GRM8: variants seen among roughly 807,000 people sequenced by gnomAD.
The protein encoded by GRM8 is glutamate metabotropic receptor 8.
A neutral mutation model predicts 87.2 loss-of-function variants in GRM8; 47 were observed. The observed-to-expected ratio is 0.54, with a 90% confidence interval of 0.43 to 0.69. The LOEUF (loss-of-function observed/expected upper bound fraction) is 0.69, where lower values mean the gene tolerates loss of function less well. Among genes scored for constraint, GRM8 ranks in the 30% least tolerant of loss-of-function variants. The probability of loss-of-function intolerance (pLI) is 0.00; values close to 1 mark genes in which losing one functional copy is unlikely to be tolerated. For missense variants in GRM8, 1,019 were observed against 1,139.2 expected, an observed-to-expected ratio of 0.89 and a Z score of 1.52; for synonymous variants, 396 against 404.5, an observed-to-expected ratio of 0.98 and a Z score of 0.25.
intron 3 of GRM8, among the ~76,000 whole-genome samples, chr7:126,984,167 G>C (rs1371847662): frequency 6.6e-6 from 1 of 152,182 alleles, no homozygotes; most frequent in African/African-American, 2.4e-5. Flanking sequence ...TTGCATGAAG[G>C]ATAGTTGTAT....
intron 7 of GRM8, among the ~76,000 whole-genome samples, chr7:126,668,070 C>T (rs1805977272): frequency 6.6e-6 from 1 of 152,172 alleles, no homozygotes; most frequent in Non-Finnish European, 1.5e-5. Context: ...CACAGAAGTT[C>T]CAGCCCTTTG....
chr7:126,624,965 A>C (rs530685211), intron 7 of GRM8, among the ~76,000 whole-genome samples: 1 of 152,192 alleles, frequency 6.6e-6, no homozygotes, highest in Non-Finnish European at 1.5e-5. Context: ...CTTTAGCATA[A>C]TTGTGTGAGT....
intron 6 of GRM8, among the ~76,000 whole-genome samples, chr7:126,848,557 C>T (rs1312348109): frequency 6.6e-6 from 1 of 152,072 alleles, no homozygotes; most frequent in East Asian, 1.9e-4. Context: ...CATGATGGCT[C>T]ACACCTGTAA....
chr7:127,134,119 A>G (rs913847880), intron 2 of GRM8, among the ~76,000 whole-genome samples: 1 of 152,214 alleles, frequency 6.6e-6, no homozygotes, highest in Non-Finnish European at 1.5e-5. Context: ...CATTTGATAC[A>G]GAGCCTAGTA....
chr7:126,554,772 G>A (rs1312661720), intron 8 of GRM8, among the ~76,000 whole-genome samples: 2 of 152,026 alleles, frequency 1.3e-5, no homozygotes, highest in East Asian at 3.8e-4. Context: ...TTCTGTTTTT[G>A]TTTCCAGTCT....
intron 8 of GRM8, among the ~76,000 whole-genome samples, chr7:126,592,400 G>A (rs1585152194): frequency 1.3e-5 from 2 of 151,902 alleles, no homozygotes; most frequent in Non-Finnish European, 2.9e-5. Context: ...TTGGCAAACA[G>A]AATTCAAAGG....
chr7:126,698,111 T>A (rs1249389452), intron 7 of GRM8, among the ~76,000 whole-genome samples: 1 of 152,156 alleles, frequency 6.6e-6, no homozygotes, highest in Non-Finnish European at 1.5e-5. Flanking sequence ...TGAGAACTAC[T>A]CTTAAACATG....
intron 7 of GRM8, among the ~76,000 whole-genome samples, chr7:126,731,377 C>A (rs1481354900): frequency 2.6e-5 from 4 of 152,084 alleles, no homozygotes; most frequent in African/African-American, 9.7e-5. Context: ...TTTGAAGAAT[C>A]ACCTTTTGCG....
intron 3 of GRM8, among the ~76,000 whole-genome samples, chr7:126,954,540 T>C (rs1808484104): frequency 6.6e-6 from 1 of 152,216 alleles, no homozygotes; most frequent in Non-Finnish European, 1.5e-5. Flanking sequence ...TTTTAATTGG[T>C]ATTTCCCTTC....
At chr7:127,027,267 G>A (rs574628731) in intron 3 of GRM8, among the ~76,000 whole-genome samples, 12 of 152,234 alleles carry the variant, frequency 7.9e-5, no homozygotes, top group Middle Eastern at 3.4e-3. Flanking sequence ...GTCAGGTAGC[G>A]TGATGCCTCC....
chr7:127,206,727 T>C (rs1795934972), intron 2 of GRM8, among the ~76,000 whole-genome samples: 1 of 152,204 alleles, frequency 6.6e-6, no homozygotes, highest in Non-Finnish European at 1.5e-5. Flanking sequence ...ACCTCCAGTG[T>C]TCTGCAGACT....
chr7:126,610,354 A>T (rs1798795261), intron 7 of GRM8, among the ~76,000 whole-genome samples: 1 of 151,980 alleles, frequency 6.6e-6, no homozygotes, highest in Admixed American at 6.6e-5. Flanking sequence ...AGGCTTCTCT[A>T]CATTTTTTTA....
intron 8 of GRM8, 22 bp from the exon 9 acceptor site, chr7:126,533,909 G>C (rs780082176): frequency 3.2e-6 from 5 of 1,553,640 alleles, no homozygotes; most frequent in Non-Finnish European, 4.4e-6. Flanking sequence ...AAAAATTAAT[G>C]AGCCTTCCAT....
chr7:126,991,174 T>A (rs1339563566), intron 3 of GRM8, among the ~76,000 whole-genome samples: 2 of 152,334 alleles, frequency 1.3e-5, no homozygotes, highest in Non-Finnish European at 2.9e-5. Context: ...TCACAACTTC[T>A]TGTTGCCATA....
chr7:126,932,040 A>G (rs1172529778), intron 3 of GRM8, among the ~76,000 whole-genome samples: 1 of 151,760 alleles, frequency 6.6e-6, no homozygotes, highest in Non-Finnish European at 1.5e-5. Flanking sequence ...TTAAAATAGC[A>G]TCTTAGAAAG....
chr7:126,535,229 A>AT (rs1266025033), intron 8 of GRM8, among the ~76,000 whole-genome samples: 2 of 152,202 alleles, frequency 1.3e-5, no homozygotes, highest in Non-Finnish European at 2.9e-5. Context: ...TAGTCTGTGT[A>AT]AACAATAGTA....
chr7:126,871,745 T>C (rs538426663), intron 6 of GRM8, among the ~76,000 whole-genome samples: 2 of 152,308 alleles, frequency 1.3e-5, no homozygotes, highest in East Asian at 3.9e-4. Context: ...GTTTGTAAAC[T>C]ATTTTGTACA....
At chr7:126,670,567 A>G (rs1806266988) in intron 7 of GRM8, among the ~76,000 whole-genome samples, 1 of 152,202 alleles carries the variant, frequency 6.6e-6, no homozygotes, top group Non-Finnish European at 1.5e-5. Context: ...TCTTGTTTTA[A>G]TCCTTTCAAA....
chr7:127,081,468 G>C (rs1279548716), intron 3 of GRM8, among the ~76,000 whole-genome samples: 1 of 152,162 alleles, frequency 6.6e-6, no homozygotes, highest in Non-Finnish European at 1.5e-5. Context: ...CAGAACCTTA[G>C]GTACATCTTT....
Sources: gnomAD v4.1 joint callset for allele counts (sites outside exome capture counted in the v4.1 genomes callset) on GRCh38, gnomAD v4.1.1 for gene constraint, MANE v1.5 for transcripts, NCBI Gene and HGNC (gene_info 2026-07-23, HGNC 2026-07-21) for gene names.